Variants in GRID1 observed in about 807,000 individuals in gnomAD.
GRID1 encodes glutamate ionotropic receptor delta type subunit 1.
A neutral mutation model predicts 98.0 loss-of-function variants in GRID1; 28 were observed. That is an observed-to-expected ratio of 0.29 (90% CI 0.21 to 0.39). GRID1 has a LOEUF of 0.39. Among genes scored for constraint, GRID1 ranks in the 10% least tolerant of loss-of-function variants. The probability of loss-of-function intolerance (pLI) is 1.00; values close to 1 mark genes in which losing one functional copy is unlikely to be tolerated. For synonymous variants in GRID1, 553 were observed against 538.5 expected (o/e 1.03, Z -0.37); for missense variants, 1,111 against 1,340.5 (o/e 0.83, Z 2.67).
intron 3 of GRID1, among the ~76,000 whole-genome samples, chr10:86,180,500 G>T (rs1845639933): frequency 6.6e-6 from 1 of 152,102 alleles, no homozygotes; most frequent in African/African-American, 2.4e-5. Flanking sequence ...AGGTCCTGAG[G>T]TCAGGGGCAA....
intron 3 of GRID1, among the ~76,000 whole-genome samples, chr10:86,149,916 T>C (rs980236978): frequency 6.6e-6 from 1 of 152,226 alleles, no homozygotes; most frequent in Non-Finnish European, 1.5e-5. Flanking sequence ...CTGCAATAAA[T>C]AGTCCCTTTG....
chr10:86,209,974 C>T (rs1235793730), intron 2 of GRID1, among the ~76,000 whole-genome samples: 1 of 152,174 alleles, frequency 6.6e-6, no homozygotes, highest in Non-Finnish European at 1.5e-5. Context: ...TATCCCTGCC[C>T]ACACCCCACA....
chr10:85,667,675 G>A (rs890774809), intron 12 of GRID1, among the ~76,000 whole-genome samples: 1 of 152,204 alleles, frequency 6.6e-6, no homozygotes, highest in Non-Finnish European at 1.5e-5. Context: ...ACATGCAACA[G>A]GTCTGGCTTC....
intron 2 of GRID1, among the ~76,000 whole-genome samples, chr10:86,223,886 G>T (rs985692886): frequency 6.6e-6 from 1 of 152,150 alleles, no homozygotes; most frequent in African/African-American, 2.4e-5. Context: ...ATGGACCAAG[G>T]ACCAGCAGGT....
At chr10:86,163,550 C>A (rs901237513) in intron 3 of GRID1, among the ~76,000 whole-genome samples, 1 of 152,142 alleles carries the variant, frequency 6.6e-6, no homozygotes, top group Admixed American at 6.5e-5. Flanking sequence ...TCTGTTAACA[C>A]GTCAGCTGTT....
At chr10:86,176,772 C>A (rs983964264) in intron 3 of GRID1, among the ~76,000 whole-genome samples, 1 of 152,070 alleles carries the variant, frequency 6.6e-6, no homozygotes, top group African/African-American at 2.4e-5. Context: ...CTTGATAGGT[C>A]GCTATTGTGC....
At chr10:85,713,622 A>G (rs1841605285) in intron 12 of GRID1, among the ~76,000 whole-genome samples, 1 of 132,398 alleles carries the variant, frequency 7.6e-6, no homozygotes, top group African/African-American at 2.9e-5. Context: ...ACCTAATTCA[A>G]TAGCACATTA....
chr10:85,885,516 T>C (rs1443298784), intron 5 of GRID1, among the ~76,000 whole-genome samples: 1 of 152,238 alleles, frequency 6.6e-6, no homozygotes, highest in Non-Finnish European at 1.5e-5. Flanking sequence ...TAATGGTTTC[T>C]AAAGTGCTCC....
chr10:86,354,363 A>G (rs983746215), intron 2 of GRID1, among the ~76,000 whole-genome samples: 1 of 152,210 alleles, frequency 6.6e-6, no homozygotes, highest in Admixed American at 6.5e-5. Flanking sequence ...GAGGATGGAA[A>G]ACATGGTGGC....
intron 13 of GRID1, among the ~76,000 whole-genome samples, chr10:85,624,783 A>T (rs1192246093): frequency 6.6e-6 from 1 of 152,218 alleles, no homozygotes; most frequent in African/African-American, 2.4e-5. Flanking sequence ...AAAGCTGCTC[A>T]TGTCTTTCAC....
intron 2 of GRID1, among the ~76,000 whole-genome samples, chr10:86,236,939 G>A (rs1226486987): frequency 1.3e-5 from 2 of 152,158 alleles, no homozygotes; most frequent in Non-Finnish European, 2.9e-5. Flanking sequence ...TGGAGCCCCT[G>A]AGCACTGCTG....
chr10:85,694,582 AT>A (rs1464659468), intron 12 of GRID1, among the ~76,000 whole-genome samples: 28 of 90,378 alleles, frequency 3.1e-4, no homozygotes, highest in Admixed American at 4.1e-4. Context: ...ATATATATAT[AT>A]ATATATATAT....
chr10:86,009,486 C>T (rs550320827), intron 4 of GRID1, among the ~76,000 whole-genome samples: 2 of 152,188 alleles, frequency 1.3e-5, no homozygotes, highest in Non-Finnish European at 2.9e-5. Context: ...GGCTTCTAAT[C>T]AATCCATCTG....
At chr10:86,006,986 TC>T (rs2131878681) in intron 4 of GRID1, among the ~76,000 whole-genome samples, 1 of 151,982 alleles carries the variant, frequency 6.6e-6, no homozygotes, top group South Asian at 2.1e-4. Flanking sequence ...TCTGGAGCAA[TC>T]CCCGTCGTCC....
At chr10:86,117,349 T>A (rs1443922469) in intron 4 of GRID1, among the ~76,000 whole-genome samples, 1 of 146,766 alleles carries the variant, frequency 6.8e-6, no homozygotes, top group Non-Finnish European at 1.5e-5. Context: ...CCACTACCAC[T>A]AACACCATTA....
chr10:86,273,972 C>T (rs368302981), intron 2 of GRID1, among the ~76,000 whole-genome samples: 1 of 151,528 alleles, frequency 6.6e-6, no homozygotes, highest in African/African-American at 2.4e-5. Flanking sequence ...GTGTTTTAGA[C>T]ATGAAGTCCT....
intron 8 of GRID1, among the ~76,000 whole-genome samples, chr10:85,735,960 A>G (rs1214782330): frequency 7.9e-6 from 1 of 127,076 alleles, no homozygotes; most frequent in East Asian, 2.9e-4. Flanking sequence ...GGAGGGAGAA[A>G]GTGAAGAAGG....
At chr10:86,121,450 A>G (rs1336350437) in intron 4 of GRID1, among the ~76,000 whole-genome samples, 2 of 151,998 alleles carry the variant, frequency 1.3e-5, no homozygotes, top group African/African-American at 4.8e-5. Flanking sequence ...TAACATAATC[A>G]TCATCATCAC....
chr10:85,784,872 C>A (rs1310390025), intron 8 of GRID1, among the ~76,000 whole-genome samples: 2 of 152,230 alleles, frequency 1.3e-5, no homozygotes, highest in African/African-American at 4.8e-5. Context: ...TATCAAGATT[C>A]CTTTTTTTTC....
Sources: gnomAD v4.1 joint callset for allele counts (sites outside exome capture counted in the v4.1 genomes callset) on GRCh38, gnomAD v4.1.1 for gene constraint, MANE v1.5 for transcripts, NCBI Gene and HGNC (gene_info 2026-07-23, HGNC 2026-07-21) for gene names.